ABI3BP: variants seen among roughly 807,000 people sequenced by gnomAD.
ABI3BP encodes target of Nesh-SH3.
A neutral mutation model predicts 268.6 loss-of-function variants in ABI3BP; 216 were observed. The ratio of observed to expected loss-of-function variants is 0.80; its 90% confidence interval spans 0.72 to 0.90. The LOEUF (loss-of-function observed/expected upper bound fraction) is 0.90. Among genes scored for constraint, ABI3BP ranks in the 40% least tolerant of loss-of-function variants. The probability of loss-of-function intolerance (pLI) is 0.00; values close to 1 mark genes in which losing one functional copy is unlikely to be tolerated. For synonymous variants in ABI3BP, 730 were observed against 730.0 expected (o/e 1.00, Z 0.00); for missense variants, 2,090 against 2,182.4 (o/e 0.96, Z 0.84).
chr3:100,763,609 G>A (rs2096103443), intron 63 of ABI3BP, among the ~76,000 whole-genome samples: 1 of 152,146 alleles, frequency 6.6e-6, no homozygotes, highest in African/African-American at 2.4e-5. Flanking sequence ...TATAATGAGG[G>A]TGGGATAAAG....
chr3:100,945,714 T>C (rs888175447), intron 1 of ABI3BP: 4 of 423,998 alleles, frequency 9.4e-6, no homozygotes, highest in African/African-American at 8.3e-5. Flanking sequence ...ATTTTATTTA[T>C]TCAATCCAAA....
intron 2 of ABI3BP, chr3:100,911,116 G>T: frequency 3.0e-6 from 1 of 331,450 alleles, no homozygotes; most frequent in Non-Finnish European, 5.9e-6. Context: ...TAACTGCTGT[G>T]ATTTCTTGAA....
intron 3 of ABI3BP, 65 bp from the exon 4 acceptor site, chr3:100,898,959 A>T (rs2048917560): frequency 2.0e-6 from 3 of 1,491,972 alleles, no homozygotes; most frequent in Non-Finnish European, 2.7e-6. Context: ...GATTCGGGTA[A>T]AATGCATTAA....
At chr3:100,899,316 T>G (rs979093957) in intron 3 of ABI3BP, among the ~76,000 whole-genome samples, 1 of 152,222 alleles carries the variant, frequency 6.6e-6, no homozygotes, top group African/African-American at 2.4e-5. Flanking sequence ...TTCCCGGGAC[T>G]GTGAATGAGT....
chr3:100,759,401 T>C (rs913728577), intron 63 of ABI3BP, among the ~76,000 whole-genome samples: 1 of 152,216 alleles, frequency 6.6e-6, no homozygotes, highest in Non-Finnish European at 1.5e-5. Flanking sequence ...AAAGTTATTA[T>C]GCTGATCTGG....
chr3:100,762,876 A>G (rs2096054205), intron 63 of ABI3BP, among the ~76,000 whole-genome samples: 1 of 152,090 alleles, frequency 6.6e-6, no homozygotes, highest in African/African-American at 2.4e-5. Flanking sequence ...TTTTTCCCCA[A>G]ATGCAAAAAT....
At chr3:100,793,703 C>T (rs2097262115) in intron 54 of ABI3BP, among the ~76,000 whole-genome samples, 1 of 151,850 alleles carries the variant, frequency 6.6e-6, no homozygotes, top group Admixed American at 6.6e-5. Flanking sequence ...AAAATGTGAT[C>T]AGTAACTTTA....
At chr3:100,886,751 T>TGTTAGAG (rs1561284389) in intron 4 of ABI3BP, among the ~76,000 whole-genome samples, 2 of 151,930 alleles carry the variant, frequency 1.3e-5, no homozygotes, top group African/African-American at 4.8e-5. Flanking sequence ...ATGAAGGATA[T>TGTTAGAG]GTTAGAGGTA....
chr3:100,849,917 TA>T (rs1448820937), intron 17 of ABI3BP, 127 bp downstream of exon 17: 6 of 732,602 alleles, frequency 8.2e-6, no homozygotes, highest in Non-Finnish European at 1.4e-5. Flanking sequence ...AATTTCATGG[TA>T]GAGACTGAAG....
At chr3:100,964,824 A>G (rs2080649587) in intron 1 of ABI3BP, among the ~76,000 whole-genome samples, 1 of 152,104 alleles carries the variant, frequency 6.6e-6, no homozygotes, top group East Asian at 1.9e-4. Context: ...TCCTATTTCT[A>G]ATTTCTGCAT....
chr3:100,926,416 G>A lies in ABI3BP; in HGVS notation c.145C>T (p.Arg49Cys), dbSNP rs777320308. The A allele has an allele frequency of 1.9e-6, 3 of 1,613,392 alleles. No homozygotes were observed. The highest frequency in any genetic ancestry group is 4.5e-5 in the East Asian group (2 of 44,850). The change falls in exon 2 of 68, where the codon CGT (arginine) becomes TGT (cysteine). Residue 49 changes from arginine (R) to cysteine (C), a missense_variant. Transcript: ENST00000471714. ...TSDSILLKFLRPSPNVKLEGL... is the reference protein window; with the variant it reads ...TSDSILLKFLCPSPNVKLEGL... The stretch of plus-strand genomic sequence containing the variant: ...TCAAGCTTTACATTTGGACTTGGAC[G>A]CAAGAACTTCAAGAGGATGGAGTCA...
intron 31 of ABI3BP, among the ~76,000 whole-genome samples, chr3:100,831,811 G>A (rs2098499704): frequency 6.6e-6 from 1 of 152,068 alleles, no homozygotes; most frequent in South Asian, 2.1e-4. Flanking sequence ...TTTATGCAAT[G>A]CAATAAATTA....
At chr3:100,950,085 C>A (rs1373260995) in intron 1 of ABI3BP, among the ~76,000 whole-genome samples, 1 of 151,998 alleles carries the variant, frequency 6.6e-6, no homozygotes, top group African/African-American at 2.4e-5. Context: ...TGACTTTATC[C>A]TTGGGTTCTT....
intron 1 of ABI3BP, chr3:100,945,525 G>A (rs2071705250): frequency 2.7e-6 from 1 of 368,702 alleles, no homozygotes; most frequent in African/African-American, 2.2e-5. Context: ...CTTAGCTCTA[G>A]GCAACCACTG....
chr3:100,906,863 G>A (rs2053649919), intron 2 of ABI3BP, among the ~76,000 whole-genome samples: 1 of 152,194 alleles, frequency 6.6e-6, no homozygotes, highest in African/African-American at 2.4e-5. Context: ...GAGGACGCCT[G>A]CATTGCAAGC....
At chr3:100,870,720 A>C (rs1261588386) in intron 9 of ABI3BP, among the ~76,000 whole-genome samples, 2 of 152,228 alleles carry the variant, frequency 1.3e-5, no homozygotes, top group African/African-American at 4.8e-5. Context: ...AAATGAAATC[A>C]GCACCTCATA....
chr3:100,825,651 G>C (rs2098367173), intron 35 of ABI3BP, 134 bp downstream of exon 35: 7 of 718,242 alleles, frequency 9.7e-6, no homozygotes, highest in Admixed American at 5.0e-5. Context: ...AGAAATAGTT[G>C]AATGGTCACA....
chr3:100,957,403 T>C (rs890250025), intron 1 of ABI3BP, among the ~76,000 whole-genome samples: 8 of 152,316 alleles, frequency 5.3e-5, no homozygotes, highest in African/African-American at 1.9e-4. Context: ...ATTTTGAACA[T>C]GCTAAACCTG....
At chr3:100,768,122 T>A (rs976506387) in intron 62 of ABI3BP, among the ~76,000 whole-genome samples, 12 of 123,222 alleles carry the variant, frequency 9.7e-5, no homozygotes, top group Non-Finnish European at 1.4e-4. Context: ...AGTCTCACAC[T>A]CTGTCGCCTA....
Sources: gnomAD v4.1 joint callset for allele counts (sites outside exome capture counted in the v4.1 genomes callset) on GRCh38, gnomAD v4.1.1 for gene constraint, MANE v1.5 for transcripts, NCBI Gene and HGNC (gene_info 2026-07-23, HGNC 2026-07-21) for gene names.